The following MAML2 variants were observed in gnomAD, a reference collection of about 807,000 sequenced individuals.
The protein encoded by MAML2 is mastermind-like protein 2.
MAML2 carries 22 observed loss-of-function variants against 96.1 expected under a neutral mutation model. That is an observed-to-expected ratio of 0.23 (90% CI 0.16 to 0.33). The LOEUF (loss-of-function observed/expected upper bound fraction) is 0.33, where lower values mean the gene tolerates loss of function less well. Ranked by LOEUF, MAML2 falls within the 10% of genes least tolerant of loss-of-function variation. The pLI, the probability that MAML2 is intolerant of heterozygous loss-of-function variation, is 1.00. For synonymous variants in MAML2, 561 were observed against 521.3 expected (o/e 1.08, Z -1.04); for missense variants, 1,367 against 1,392.4 (o/e 0.98, Z 0.29).
chr11:96,031,077 C>T (rs1858606908), intron 2 of MAML2, among the ~76,000 whole-genome samples: 1 of 152,164 alleles, frequency 6.6e-6, no homozygotes, highest in Admixed American at 6.5e-5. Context: ...CTGTAAATGA[C>T]TTGGGAACAA....
intron 1 of MAML2, among the ~76,000 whole-genome samples, chr11:96,287,811 A>T (rs1483986967): frequency 6.6e-6 from 1 of 152,244 alleles, no homozygotes; most frequent in Non-Finnish European, 1.5e-5. Flanking sequence ...CTGTTGCTTG[A>T]TCCCATGTTA....
chr11:96,161,744 C>G (rs1383422916), intron 1 of MAML2, among the ~76,000 whole-genome samples: 1 of 152,210 alleles, frequency 6.6e-6, no homozygotes, highest in Non-Finnish European at 1.5e-5. Context: ...ACCGTTTGCA[C>G]AGCATCAACA....
At chr11:96,076,080 T>A (rs143557486) in intron 2 of MAML2, among the ~76,000 whole-genome samples, 133 of 152,350 alleles carry the variant, frequency 8.7e-4, no homozygotes, top group Middle Eastern at 3.4e-3. Flanking sequence ...GAAGAAACTC[T>A]TAATTTAAAA....
chr11:96,208,659 T>C (rs1861926752), intron 1 of MAML2, among the ~76,000 whole-genome samples: 1 of 152,192 alleles, frequency 6.6e-6, no homozygotes, highest in South Asian at 2.1e-4. Context: ...AAAATAAAGT[T>C]CTTTAACACC....
At chr11:96,147,264 A>G (rs1860836104) in intron 1 of MAML2, among the ~76,000 whole-genome samples, 1 of 152,192 alleles carries the variant, frequency 6.6e-6, no homozygotes, top group South Asian at 2.1e-4. Context: ...ACAAATCCCC[A>G]AGTTTTAACT....
chr11:96,236,801 C>T (rs767418387), intron 1 of MAML2, among the ~76,000 whole-genome samples: 4 of 152,142 alleles, frequency 2.6e-5, no homozygotes, highest in Non-Finnish European at 5.9e-5. Flanking sequence ...TGGTTACTGT[C>T]TTCTTAGTAA....
intron 1 of MAML2, among the ~76,000 whole-genome samples, chr11:96,256,878 A>G (rs926394298): frequency 1.3e-5 from 2 of 152,196 alleles, no homozygotes; most frequent in African/African-American, 2.4e-5. Context: ...AAAGGAAAAA[A>G]CCTACAATCC....
At position 96,004,202 on chromosome 11, in the gene MAML2, G is replaced by A. The variant is rs149024322; in HGVS notation, c.2140-12479C>T. 4.1e-4 allele frequency among the ~76,000 whole-genome samples: 63 copies of A among 152,216 alleles called. 1 individual carries two copies. The highest frequency in any genetic ancestry group is 1.4e-3 in the African/African-American group (59 of 41,544). On this transcript the variant is annotated intron_variant, in intron 2 of 4. Coordinates refer to ENST00000524717, the MANE Select transcript of MAML2 (RefSeq NM_032427.4). ...TGGAAAGTATTATGGTTTTGGGTAG[G>A]ACAAGTTATCAACATTTTCTATTCT... is the stretch of plus-strand genomic sequence containing the variant.
chr11:96,221,467 C>T (rs946404745), intron 1 of MAML2, among the ~76,000 whole-genome samples: 2 of 152,160 alleles, frequency 1.3e-5, no homozygotes, highest in African/African-American at 4.8e-5. Flanking sequence ...CAGTGTAACA[C>T]TGTGGAGGCC....
chr11:96,006,969 A>G (rs920087711), intron 2 of MAML2, among the ~76,000 whole-genome samples: 1 of 151,644 alleles, frequency 6.6e-6, no homozygotes, highest in Admixed American at 6.6e-5. Flanking sequence ...GACTAGGTAG[A>G]CTAGTAAGCC....
At chr11:96,157,478 C>T (rs1359535079) in intron 1 of MAML2, among the ~76,000 whole-genome samples, 2 of 152,246 alleles carry the variant, frequency 1.3e-5, no homozygotes, top group Non-Finnish European at 2.9e-5. Context: ...TGGCAAAATG[C>T]CATCAGCCTT....
intron 2 of MAML2, among the ~76,000 whole-genome samples, chr11:96,070,100 G>A (rs1343485600): frequency 6.6e-6 from 1 of 151,648 alleles, no homozygotes; most frequent in African/African-American, 2.4e-5. Context: ...GACCATCCTG[G>A]CTAACACAGT....
intron 2 of MAML2, among the ~76,000 whole-genome samples, chr11:96,015,594 G>GC (rs1491228165): frequency 8.4e-6 from 1 of 119,658 alleles, no homozygotes; most frequent in East Asian, 2.8e-4. Context: ...AGGGGGGGGG[G>GC]GCAATTCATG....
At chr11:96,016,935 C>T (rs1334053112) in intron 2 of MAML2, among the ~76,000 whole-genome samples, 1 of 152,058 alleles carries the variant, frequency 6.6e-6, no homozygotes, top group Non-Finnish European at 1.5e-5. Flanking sequence ...TGCTAGTAAC[C>T]CTTTCTTTTG....
intron 1 of MAML2, among the ~76,000 whole-genome samples, chr11:96,169,520 T>C (rs1387731806): frequency 6.6e-6 from 1 of 152,218 alleles, no homozygotes; most frequent in East Asian, 1.9e-4. Flanking sequence ...CCTGGTCACG[T>C]CCTGGGACGC....
chr11:96,169,067 G>A (rs1224112268), intron 1 of MAML2, among the ~76,000 whole-genome samples: 3 of 152,136 alleles, frequency 2.0e-5, no homozygotes, highest in East Asian at 1.9e-4. Context: ...TTCTTTCTAC[G>A]ATGGGTGGGT....
intron 2 of MAML2, among the ~76,000 whole-genome samples, chr11:96,006,706 G>A (rs906566054): frequency 2.0e-5 from 3 of 151,334 alleles, no homozygotes; most frequent in South Asian, 2.1e-4. Flanking sequence ...TTACAGGCAC[G>A]TGCCACCATA....
chr11:96,339,220 A>T lies in MAML2; in HGVS notation c.513+2163T>A, dbSNP rs573382879. Among the ~76,000 whole-genome samples the T allele has an allele frequency of 1.4e-4, 21 of 152,338 alleles. No homozygotes were observed. In the South Asian group the frequency reaches 3.7e-3, roughly 27 times the overall value. On this transcript the variant is annotated intron_variant, in intron 1 of 4. Coordinates refer to ENST00000524717, the MANE Select transcript of MAML2 (RefSeq NM_032427.4). ...GATGGCTGGTGGTTAGAAGAGAGAA[A>T]GATTCCCTCTTAGGCCAGAGGTAGC...
At chr11:96,339,935 CA>C (rs1445372757) in intron 1 of MAML2, among the ~76,000 whole-genome samples, 1 of 152,176 alleles carries the variant, frequency 6.6e-6, no homozygotes, top group Non-Finnish European at 1.5e-5. Context: ...AATACAACCC[CA>C]CAAGCTAGTG....
Sources: allele counts gnomAD v4.1 joint callset (sites outside exome capture counted in the v4.1 genomes callset), GRCh38; gene constraint gnomAD v4.1.1; transcripts MANE v1.5; gene names NCBI Gene and HGNC (gene_info 2026-07-23, HGNC 2026-07-21).